ACSM2B: variants seen among roughly 807,000 people sequenced by gnomAD.
ACSM2B encodes acyl-coenzyme A synthetase ACSM2B, mitochondrial.
Under a neutral mutation model 78.6 loss-of-function variants are expected in ACSM2B, and 58 were observed. The ratio of observed to expected loss-of-function variants is 0.74; its 90% CI spans 0.60 to 0.92. The LOEUF is 0.92. Ranked by LOEUF, ACSM2B falls within the 40% of genes least tolerant of loss-of-function variation. The pLI, the probability that ACSM2B is intolerant of heterozygous loss-of-function variation, is 0.00. For synonymous variants in ACSM2B, 257 were observed against 256.8 expected (o/e 1.00, Z -0.01); for missense variants, 688 against 711.2 (o/e 0.97, Z 0.37).
Position 20,567,316 on chromosome 16 carries a change from T to C in ACSM2B, c.-8-2463A>G, listed in dbSNP as rs988274202. ...ATATAATGTATAGTACAATATATAA[T>C]ATGTAATATACAGTATAATATTATA... is the stretch of plus-strand genomic sequence containing the variant. On this transcript the variant is annotated intron_variant, in intron 1 of 13. Transcript: ENST00000329697. 5.5e-3 allele frequency among the ~76,000 whole-genome samples: 661 copies of C among 120,986 alleles called. 5 individuals are homozygous for C. Among genetic ancestry groups the C allele is most frequent in the Non-Finnish European group, 8.9e-3 (555 of 62,520 alleles). The allele number at this position is 120,986 out of a possible 152,430, so 79.4% of individuals were successfully genotyped here.
chr16:20,573,849 A>G (rs1178872520), intron 1 of ACSM2B, among the ~76,000 whole-genome samples: 1 of 151,974 alleles, frequency 6.6e-6, no homozygotes, highest in African/African-American at 2.4e-5. Flanking sequence ...ACATGCTTCA[A>G]AGGGCAGTAA....
chr16:20,539,810 T>C (rs2014936665), intron 13 of ACSM2B, among the ~76,000 whole-genome samples: 1 of 151,760 alleles, frequency 6.6e-6, no homozygotes, highest in African/African-American at 2.4e-5. Flanking sequence ...TGAGAATATA[T>C]GTTTGGAGCT....
intron 1 of ACSM2B, among the ~76,000 whole-genome samples, chr16:20,571,441 T>C (rs1407676857): frequency 6.6e-6 from 1 of 151,984 alleles, no homozygotes. Context: ...GAGTACTTGA[T>C]ATAATTTCAC....
chr16:20,565,281 G>T (rs1381268157), intron 1 of ACSM2B, among the ~76,000 whole-genome samples: 1 of 152,118 alleles, frequency 6.6e-6, no homozygotes, highest in East Asian at 1.9e-4. Flanking sequence ...ATTGACTTTG[G>T]CTTGCTCAAG....
intron 1 of ACSM2B, among the ~76,000 whole-genome samples, chr16:20,566,250 TATATA>T (rs1567217801): frequency 0.03 from 1,259 of 42,318 alleles, 52 homozygotes; most frequent in African/African-American, 0.082. Context: ...TGGAAGATTA[TATATA>T]TATATATATA....
chr16:20,537,987 G>A (rs113190886), intron 13 of ACSM2B, among the ~76,000 whole-genome samples: 11,276 of 152,094 alleles, frequency 0.074, 1,346 homozygotes, highest in African/African-American at 0.25. Context: ...CTTGTTAAAA[G>A]GAATGTTTGA....
chr16:20,547,675 T>C, intron 8 of ACSM2B: 1 of 1,088,532 alleles, frequency 9.2e-7, no homozygotes, highest in South Asian at 2.8e-5. Flanking sequence ...GTGCTTGACA[T>C]GTTTGATAAA....
intron 3 of ACSM2B, among the ~76,000 whole-genome samples, chr16:20,558,970 T>G (rs183212080): frequency 2.6e-5 from 4 of 152,362 alleles, no homozygotes; most frequent in African/African-American, 7.2e-5. Flanking sequence ...AATACTTACA[T>G]GTGCAATTAA....
chr16:20,563,241 A>G (rs928907233), intron 2 of ACSM2B, among the ~76,000 whole-genome samples: 8 of 152,170 alleles, frequency 5.3e-5, no homozygotes, highest in Non-Finnish European at 1.2e-4. Flanking sequence ...TACTCTTATT[A>G]TGAGGGAGGG....
At chr16:20,560,924 A>C (rs11644458) in intron 2 of ACSM2B, among the ~76,000 whole-genome samples, 27,483 of 151,648 alleles carry the variant, frequency 0.18, 3,483 homozygotes, top group East Asian at 0.68. Flanking sequence ...ATTTTAGCAA[A>C]GAACTTGGCT....
intron 1 of ACSM2B, chr16:20,574,176 CT>C (rs2016179439): frequency 6.6e-6 from 1 of 152,004 alleles, no homozygotes; most frequent in African/African-American, 2.4e-5. Flanking sequence ...AATATTTCTC[CT>C]ACTTGCACAT....
At chr16:20,570,463 T>G (rs1181127802) in intron 1 of ACSM2B, among the ~76,000 whole-genome samples, 1 of 151,950 alleles carries the variant, frequency 6.6e-6, no homozygotes, top group Non-Finnish European at 1.5e-5. Context: ...TTCAGTTAGC[T>G]AGCAGCTAAT....
At chr16:20,540,233 T>TTG (rs1555456770) in intron 13 of ACSM2B, among the ~76,000 whole-genome samples, 53,905 of 147,424 alleles carry the variant, frequency 0.37, 11,632 homozygotes, top group Non-Finnish European at 0.49. Context: ...TGTTTTTTTT[T>TTG]TTTGTTTGTT....
At chr16:20,554,035 C>T (rs543155768) in intron 4 of ACSM2B, 115 bp from the exon 5 acceptor site, 40 of 1,277,152 alleles carry the variant, frequency 3.1e-5, no homozygotes, top group Non-Finnish European at 3.7e-5. Flanking sequence ...ATGGACCCAC[C>T]TCACAAGAGA....
At chr16:20,555,560 G>T in intron 3 of ACSM2B, 84 bp from the exon 4 acceptor site, 1 of 1,585,634 alleles carries the variant, frequency 6.3e-7, no homozygotes, top group Non-Finnish European at 8.6e-7. Flanking sequence ...CAAGCAGGGA[G>T]CAAGTGGGGA....
At position 20,537,160 on chromosome 16, in the gene ACSM2B, T is replaced by A; in HGVS notation, c.*98A>T. 7.1e-7 allele frequency: 1 copy of A among 1,416,542 alleles called. No individual in the cohort carries two copies. Among genetic ancestry groups the A allele is most frequent in the Non-Finnish European group, 9.8e-7 (1 of 1,021,552 alleles). 87.7% of individuals were successfully genotyped at this position (1,416,542 alleles called of 1,614,324 possible). A position where few individuals can be genotyped will look rare whatever the true frequency, so the allele number is the denominator to read the frequency against. ...AAGACAAAACTTACATTCATGTTCTTTCATAAAGAATCTCATATCATCATA... is the reference window on the plus strand; with the variant it reads ...AAGACAAAACTTACATTCATGTTCTATCATAAAGAATCTCATATCATCATA... On this transcript the variant is annotated 3_prime_UTR_variant, in exon 14 of 14. Coordinates refer to ENST00000329697, the MANE Select transcript of ACSM2B (RefSeq NM_001105069.2).
intron 4 of ACSM2B, among the ~76,000 whole-genome samples, chr16:20,555,006 C>A (rs1388664158): frequency 6.6e-6 from 1 of 152,176 alleles, no homozygotes; most frequent in Non-Finnish European, 1.5e-5. Context: ...GCTAATGATT[C>A]AGTGCTTTTC....
intron 1 of ACSM2B, chr16:20,574,083 C>T (rs1424081106): frequency 6.6e-6 from 1 of 152,174 alleles, no homozygotes; most frequent in Non-Finnish European, 1.5e-5. Context: ...AAGACAAACA[C>T]TCCCAGAGCG....
chr16:20,565,176 A>G (rs772616295), intron 1 of ACSM2B, among the ~76,000 whole-genome samples: 1 of 152,158 alleles, frequency 6.6e-6, no homozygotes. Context: ...TGTTCCCAGC[A>G]ATTCACTCCC....
Sources: allele counts gnomAD v4.1 joint callset (sites outside exome capture counted in the v4.1 genomes callset), GRCh38; gene constraint gnomAD v4.1.1; transcripts MANE v1.5; gene names NCBI Gene and HGNC (gene_info 2026-07-23, HGNC 2026-07-21).